The following CBFA2T2 variants were observed in gnomAD, a reference collection of about 807,000 sequenced individuals.
The protein encoded by CBFA2T2 is protein CBFA2T2.
In CBFA2T2, 11 loss-of-function variants were observed where a neutral mutation model predicts 62.2. That is an observed-to-expected ratio of 0.18 (90% CI 0.11 to 0.29). The LOEUF (loss-of-function observed/expected upper bound fraction) is 0.29, where lower values mean the gene tolerates loss of function less well. Ranked by LOEUF, CBFA2T2 falls within the 10% of genes least tolerant of loss-of-function variation. The pLI is 1.00. For synonymous variants in CBFA2T2, 295 were observed against 287.5 expected (o/e 1.03, Z -0.27); for missense variants, 592 against 774.1 (o/e 0.76, Z 2.79).
intron 1 of CBFA2T2, among the ~76,000 whole-genome samples, chr20:33,597,601 G>A (rs1455003218): frequency 4.6e-5 from 7 of 152,180 alleles, no homozygotes; most frequent in Non-Finnish European, 2.9e-5. Flanking sequence ...AGGGATCTAG[G>A]TTGTGCACTC....
chr20:33,496,565 C>T (rs2011200850), intron 1 of CBFA2T2, among the ~76,000 whole-genome samples: 1 of 152,106 alleles, frequency 6.6e-6, no homozygotes, highest in African/African-American at 2.4e-5. Flanking sequence ...TCAAGGAAGT[C>T]TAAACAGTTA....
At chr20:33,605,437 G>T (rs753612368) in intron 1 of CBFA2T2, among the ~76,000 whole-genome samples, 2 of 152,150 alleles carry the variant, frequency 1.3e-5, no homozygotes, top group Non-Finnish European at 2.9e-5. Flanking sequence ...GGTAACCCTG[G>T]TCGTATTATT....
intron 1 of CBFA2T2, among the ~76,000 whole-genome samples, chr20:33,496,537 TATA>T (rs1466224652): frequency 6.6e-6 from 1 of 152,174 alleles, no homozygotes; most frequent in Admixed American, 6.5e-5. Flanking sequence ...TCGAGAAAGG[TATA>T]TAATCATTGG....
In CBFA2T2 at chr20:33,591,250, A is replaced by T. The variant is rs1343003615; in HGVS notation, c.35-15706A>T. Among the ~76,000 whole-genome samples the T allele has an allele frequency of 2.0e-5, 3 of 147,736 alleles. No individual in the cohort carries two copies. In the Admixed American group the frequency reaches 2.0e-4, roughly 10 times the overall value. ...TATAATTCCAGTGCTTTGGGAGCCC[A>T]AGACAGGTGGATCACTTGAGGCCGG... On this transcript the variant is annotated intron_variant, in intron 1 of 10. Transcript: ENST00000342704.
At chr20:33,567,675 C>G (rs2013387040) in intron 1 of CBFA2T2, among the ~76,000 whole-genome samples, 1 of 151,760 alleles carries the variant, frequency 6.6e-6, no homozygotes, top group Non-Finnish European at 1.5e-5. Flanking sequence ...CTCCGCCTCT[C>G]AGGTTCAAGC....
intron 1 of CBFA2T2, among the ~76,000 whole-genome samples, chr20:33,530,162 T>G (rs1258648150): frequency 6.6e-6 from 1 of 151,948 alleles, no homozygotes; most frequent in Non-Finnish European, 1.5e-5. Context: ...TGGACTCAGG[T>G]GATCCTCCTG....
chr20:33,490,446 G>A, intron 1 of CBFA2T2, 145 bp downstream of exon 1: 1 of 882,452 alleles, frequency 1.1e-6, no homozygotes, highest in Non-Finnish European at 1.5e-6. Context: ...AGGTCACGCA[G>A]CGGGGCGGGC....
At chr20:33,508,835 A>G (rs1353001945) in intron 1 of CBFA2T2, among the ~76,000 whole-genome samples, 1 of 152,180 alleles carries the variant, frequency 6.6e-6, no homozygotes, top group East Asian at 1.9e-4. Flanking sequence ...GGAAATTGGG[A>G]TCCCATTAGG....
chr20:33,507,877 C>A (rs1600908366), intron 1 of CBFA2T2, among the ~76,000 whole-genome samples: 1 of 151,992 alleles, frequency 6.6e-6, no homozygotes, highest in African/African-American at 2.4e-5. Flanking sequence ...ATAGATGTTG[C>A]CAGAATACCC....
intron 1 of CBFA2T2, among the ~76,000 whole-genome samples, chr20:33,491,876 A>G (rs1372371435): frequency 6.6e-6 from 1 of 150,886 alleles, no homozygotes; most frequent in Non-Finnish European, 1.5e-5. Context: ...CAATTATTTT[A>G]TTTTATTTTA....
At position 33,645,056 on chromosome 20, in the gene CBFA2T2, GGGAGCGGCCTGCCTCACCCCT is replaced by G. The variant is rs1490490914; in HGVS notation, c.*412_*432del. ...GGCTGTGGAGGAGGCCCCTCGGTCA[GGGAGCGGCCTGCCTCACCCCT>G]GAATAGCTCCTTCGGCCCCATCTCC... On this transcript the variant is annotated 3_prime_UTR_variant, in exon 11 of 11. Coordinates refer to ENST00000342704, the MANE Select transcript of CBFA2T2 (RefSeq NM_001032999.3). 5.2e-5 allele frequency: 10 copies of G among 191,824 alleles called. No individual in the cohort carries two copies. The Admixed American group carries it at 5.6e-4, about 11-fold the overall frequency. 11.9% of individuals were successfully genotyped at this position (191,824 alleles called of 1,614,324 possible). A position where few individuals can be genotyped will look rare whatever the true frequency, so the allele number is the denominator to read the frequency against.
chr20:33,566,331 G>A (rs538379094), intron 1 of CBFA2T2, among the ~76,000 whole-genome samples: 9 of 151,944 alleles, frequency 5.9e-5, no homozygotes, highest in Non-Finnish European at 1.0e-4. Context: ...GTGGCTGGGC[G>A]CCAGTAGCTC....
chr20:33,616,078 G>GAGATAGAT (rs3054967), intron 3 of CBFA2T2, among the ~76,000 whole-genome samples: 6,344 of 143,246 alleles, frequency 0.044, 166 homozygotes, highest in East Asian at 0.055. Flanking sequence ...TCTGTAGATA[G>GAGATAGAT]AGATAGATAG....
intron 1 of CBFA2T2, among the ~76,000 whole-genome samples, chr20:33,545,481 T>C (rs6141973): frequency 2.4e-4 from 26 of 107,590 alleles, no homozygotes; most frequent in South Asian, 6.4e-4. Context: ...TTCGTTCGTT[T>C]GTTTTCCTCT....
At chr20:33,514,117 G>C (rs2011556951) in intron 1 of CBFA2T2, among the ~76,000 whole-genome samples, 1 of 150,882 alleles carries the variant, frequency 6.6e-6, no homozygotes, top group African/African-American at 2.4e-5. Flanking sequence ...TGGTCAGGCG[G>C]GCCTCGAACT....
Position 33,544,990 on chromosome 20 carries a change from T to TAGAACAGAACAGAACAGAACAGAAC in CBFA2T2, c.34+54693_34+54694insCAGAACAGAACAGAACAGAACAGAA, listed in dbSNP as rs1423129077. The stretch of plus-strand genomic sequence containing the variant: ...TAGAATAGAATAGAATAGAATAGAA[T>TAGAACAGAACAGAACAGAACAGAAC]AGAATAGAATAGAATAGAATAGAAC... On this transcript the variant is annotated intron_variant, in intron 1 of 10. Coordinates refer to ENST00000342704, the MANE Select transcript of CBFA2T2 (RefSeq NM_001032999.3). 3.6e-3 allele frequency among the ~76,000 whole-genome samples: 492 copies of TAGAACAGAACAGAACAGAACAGAAC among 136,128 alleles called. 6 individuals are homozygous for TAGAACAGAACAGAACAGAACAGAAC. The highest frequency in any genetic ancestry group is 0.014 in the African/African-American group (458 of 32,706). The allele number at this position is 136,128 out of a possible 152,430, so 89.3% of individuals were successfully genotyped here. A position where few individuals can be genotyped will look rare whatever the true frequency, so the allele number is the denominator to read the frequency against.
At chr20:33,500,146 C>T (rs560208457) in intron 1 of CBFA2T2, among the ~76,000 whole-genome samples, 29 of 151,852 alleles carry the variant, frequency 1.9e-4, no homozygotes, top group South Asian at 2.1e-4. Flanking sequence ...TTAGTAAAGA[C>T]GGGGTTTCAC....
intron 1 of CBFA2T2, among the ~76,000 whole-genome samples, chr20:33,525,743 C>T (rs1395336559): frequency 6.6e-6 from 1 of 152,172 alleles, no homozygotes; most frequent in Non-Finnish European, 1.5e-5. Flanking sequence ...CCTCGACCAC[C>T]TGGGCTCAAG....
chr20:33,642,116 T>TGTGTGTG (rs1555851384), intron 10 of CBFA2T2, among the ~76,000 whole-genome samples: 31 of 59,062 alleles, frequency 5.2e-4, no homozygotes, highest in South Asian at 1.3e-3. Context: ...TTTTTTTTTT[T>TGTGTGTG]TGTGTGTGTG....
Sources: allele counts gnomAD v4.1 joint callset (sites outside exome capture counted in the v4.1 genomes callset), GRCh38; gene constraint gnomAD v4.1.1; transcripts MANE v1.5; gene names NCBI Gene and HGNC (gene_info 2026-07-23, HGNC 2026-07-21).